The following FHIP1A variants were observed in gnomAD, a reference collection of about 807,000 sequenced individuals.
FHIP1A encodes FHF complex subunit HOOK-interacting protein 1A.
In FHIP1A, 61 loss-of-function variants were observed where a neutral mutation model predicts 88.6. The observed-to-expected ratio is 0.69, with a 90% CI of 0.56 to 0.85. The LOEUF (loss-of-function observed/expected upper bound fraction) is 0.85. FHIP1A is among the 40% of genes least tolerant of loss of function. The probability of loss-of-function intolerance (pLI) is 0.00; values close to 1 mark genes in which losing one functional copy is unlikely to be tolerated. For missense variants in FHIP1A, 1,154 were observed against 1,273.5 expected (o/e 0.91, Z 1.43); for synonymous variants, 478 against 496.0 (o/e 0.96, Z 0.48).
intron 3 of FHIP1A, among the ~76,000 whole-genome samples, chr4:151,495,356 G>A (rs185690279): frequency 6.6e-6 from 1 of 152,084 alleles, no homozygotes; most frequent in Non-Finnish European, 1.5e-5. Flanking sequence ...TAAAAAATTA[G>A]CTGGATGTGG....
At chr4:151,630,325 C>T (rs745977694) in intron 8 of FHIP1A, among the ~76,000 whole-genome samples, 10 of 152,094 alleles carry the variant, frequency 6.6e-5, no homozygotes, top group Non-Finnish European at 1.2e-4. Flanking sequence ...GGTCATTCTT[C>T]ATTTTGAAGC....
At chr4:151,619,552 A>G (rs1735659536) in intron 7 of FHIP1A, among the ~76,000 whole-genome samples, 1 of 152,214 alleles carries the variant, frequency 6.6e-6, no homozygotes, top group South Asian at 2.1e-4. Context: ...AAAAAGTTTG[A>G]AAACACTGAA....
At position 151,650,079 on chromosome 4, in the gene FHIP1A, A is replaced by G; in HGVS notation, c.2038A>G (p.Asn680Asp). Residue 680 changes from asparagine (N) to aspartate (D), a missense_variant, in exon 11 of 14, where the codon AAC becomes GAC. Transcript: ENST00000435205. ...GGCTGAAGTTCAGAGTGTCCCCATCAACAACGGCCCCCTCCTCAGCACCCA... is the reference window on the plus strand; with the variant it reads ...GGCTGAAGTTCAGAGTGTCCCCATCGACAACGGCCCCCTCCTCAGCACCCA... Reference protein sequence around the residue: ...AQAEVQSVPINNGPLLSTQPE... With the variant: ...AQAEVQSVPIDNGPLLSTQPE... 1 of 1,551,666 alleles carries G rather than the reference A, an allele frequency of 6.4e-7. No individual in the cohort carries two copies. The highest frequency in any genetic ancestry group is 8.7e-7 in the Non-Finnish European group (1 of 1,146,988).
chr4:151,549,021 CCTATTGG>C (rs1732617823), intron 3 of FHIP1A, among the ~76,000 whole-genome samples: 1 of 152,152 alleles, frequency 6.6e-6, no homozygotes, highest in South Asian at 2.1e-4. Context: ...GTGTCATTCC[CCTATTGG>C]CTGGGGTTGG....
chr4:151,596,494 T>C (rs1270841218), intron 7 of FHIP1A, among the ~76,000 whole-genome samples: 1 of 152,168 alleles, frequency 6.6e-6, no homozygotes, highest in Non-Finnish European at 1.5e-5. Context: ...CTGACAATTA[T>C]GTGTCTTGGG....
At chr4:151,489,433 G>A (rs541686371) in intron 3 of FHIP1A, among the ~76,000 whole-genome samples, 3 of 152,130 alleles carry the variant, frequency 2.0e-5, no homozygotes, top group Admixed American at 6.5e-5. Flanking sequence ...GACTGAGCAC[G>A]AATTTTCCTG....
intron 7 of FHIP1A, among the ~76,000 whole-genome samples, chr4:151,626,710 T>C (rs1270760761): frequency 6.6e-6 from 1 of 152,242 alleles, no homozygotes; most frequent in African/African-American, 2.4e-5. Context: ...TGCAATTCTT[T>C]ATAAAACAAA....
chr4:151,500,921 G>A (rs1243471457), intron 3 of FHIP1A, among the ~76,000 whole-genome samples: 1 of 152,158 alleles, frequency 6.6e-6, no homozygotes, highest in Admixed American at 6.5e-5. Flanking sequence ...ATTTTTAGCT[G>A]ACAAAAATTG....
intron 3 of FHIP1A, among the ~76,000 whole-genome samples, chr4:151,506,064 A>G (rs1730827970): frequency 6.6e-6 from 1 of 152,158 alleles, no homozygotes; most frequent in Non-Finnish European, 1.5e-5. Context: ...CTGAGTCTAC[A>G]GCACATGCCA....
intron 2 of FHIP1A, among the ~76,000 whole-genome samples, chr4:151,466,447 C>T (rs933683640): frequency 3.3e-5 from 5 of 152,310 alleles, no homozygotes; most frequent in South Asian, 2.1e-4. Context: ...CATCAAACTA[C>T]CCTTGACTTT....
intron 7 of FHIP1A, among the ~76,000 whole-genome samples, chr4:151,612,925 T>C (rs905468064): frequency 6.6e-6 from 1 of 152,214 alleles, no homozygotes; most frequent in African/African-American, 2.4e-5. Context: ...TATTTCATAG[T>C]GCTAGAGACG....
chr4:151,527,087 C>A (rs1731697913), intron 3 of FHIP1A, among the ~76,000 whole-genome samples: 1 of 151,958 alleles, frequency 6.6e-6, no homozygotes, highest in South Asian at 2.1e-4. Context: ...CGATGGGCGG[C>A]CGGGCAGAGA....
intron 1 of FHIP1A, among the ~76,000 whole-genome samples, chr4:151,411,370 G>A (rs1157280597): frequency 2.4e-5 from 1 of 40,982 alleles, no homozygotes; most frequent in Non-Finnish European, 6.2e-5. Flanking sequence ...TTTAAAGTTA[G>A]GGTCTCTCTC....
At chr4:151,416,675 A>G (rs75350963) in intron 1 of FHIP1A, among the ~76,000 whole-genome samples, 2,969 of 152,282 alleles carry the variant, frequency 0.019, 96 homozygotes, top group African/African-American at 0.067. Flanking sequence ...TTTTCTTGGT[A>G]TAAAAATTTT....
At chr4:151,575,752 AT>A in intron 4 of FHIP1A, among the ~76,000 whole-genome samples, 1 of 152,092 alleles carries the variant, frequency 6.6e-6, no homozygotes, top group East Asian at 1.9e-4. Flanking sequence ...GTCTATAACG[AT>A]TTTTTTCCCT....
At chr4:151,527,912 CCTT>C (rs34666822) in intron 3 of FHIP1A, among the ~76,000 whole-genome samples, 56,204 of 151,764 alleles carry the variant, frequency 0.37, 10,662 homozygotes, top group Non-Finnish European at 0.43. Context: ...CTGCTTATCA[CCTT>C]GGGCTATTGC....
At chr4:151,427,777 G>T (rs1733441099) in intron 1 of FHIP1A, among the ~76,000 whole-genome samples, 2 of 152,054 alleles carry the variant, frequency 1.3e-5, no homozygotes, top group Non-Finnish European at 2.9e-5. Context: ...GCATATCATG[G>T]TAATACAGAT....
intron 9 of FHIP1A, among the ~76,000 whole-genome samples, chr4:151,642,224 T>G (rs1254807652): frequency 6.6e-6 from 1 of 152,226 alleles, no homozygotes; most frequent in African/African-American, 2.4e-5. Context: ...ATCTCTGCCA[T>G]GTGCCTGGAA....
At chr4:151,576,169 G>A (rs1204442064) in intron 4 of FHIP1A, among the ~76,000 whole-genome samples, 1 of 152,138 alleles carries the variant, frequency 6.6e-6, no homozygotes, top group Non-Finnish European at 1.5e-5. Context: ...GGCAGAGAAA[G>A]GTGAGAAACC....
Sources: gnomAD v4.1 joint callset for allele counts (sites outside exome capture counted in the v4.1 genomes callset) on GRCh38, gnomAD v4.1.1 for gene constraint, MANE v1.5 for transcripts, NCBI Gene and HGNC (gene_info 2026-07-23, HGNC 2026-07-21) for gene names.